The following AUTS2 variants were observed in gnomAD, a reference collection of about 807,000 sequenced individuals.
AUTS2 encodes the protein activator of transcription and developmental regulator AUTS2.
AUTS2 carries 17 observed loss-of-function variants against 112.4 expected under a neutral mutation model. The observed-to-expected ratio is 0.15, with a 90% CI of 0.10 to 0.23. The LOEUF (loss-of-function observed/expected upper bound fraction) is 0.23, where lower values mean the gene tolerates loss of function less well. Among genes scored for constraint, AUTS2 ranks in the 10% least tolerant of loss-of-function variants. The pLI is 1.00. For missense variants in AUTS2, 1,510 were observed against 1,701.6 expected, an observed-to-expected ratio of 0.89 and a Z score of 1.98; for synonymous variants, 751 against 702.7, an observed-to-expected ratio of 1.07 and a Z score of -1.09.
chr7:69,834,072 C>G (rs1307418717), intron 1 of AUTS2, among the ~76,000 whole-genome samples: 1 of 152,086 alleles, frequency 6.6e-6, no homozygotes, highest in Non-Finnish European at 1.5e-5. Flanking sequence ...AGCAGCAGGG[C>G]TCTGGTAAGT....
At chr7:69,982,040 G>A (rs775042244) in intron 2 of AUTS2, among the ~76,000 whole-genome samples, 6 of 152,150 alleles carry the variant, frequency 3.9e-5, no homozygotes, top group Admixed American at 6.5e-5. Context: ...ACAAGGACTC[G>A]TAGGCACCAA....
intron 2 of AUTS2, among the ~76,000 whole-genome samples, chr7:69,954,156 C>T (rs1161070412): frequency 2.0e-5 from 3 of 152,144 alleles, no homozygotes; most frequent in African/African-American, 7.2e-5. Context: ...ACTAATCAAT[C>T]ACTCCACATA....
intron 5 of AUTS2, among the ~76,000 whole-genome samples, chr7:70,507,099 A>G (rs1479014157): frequency 3.3e-5 from 5 of 152,242 alleles, no homozygotes; most frequent in Non-Finnish European, 7.3e-5. Flanking sequence ...TCAGAAGGCA[A>G]TATGGTAAGA....
chr7:70,176,983 T>C (rs1248061770), intron 4 of AUTS2, among the ~76,000 whole-genome samples: 1 of 152,194 alleles, frequency 6.6e-6, no homozygotes, highest in East Asian at 1.9e-4. Flanking sequence ...ATTAGCAAGT[T>C]ACAGAACAAG....
In AUTS2 at chr7:70,766,973, T is replaced by C. The variant is rs547517800; in HGVS notation, c.1689+639T>C. Among the ~76,000 whole-genome samples, 1 of 152,334 alleles carries C rather than the reference T, an allele frequency of 6.6e-6. No individual in the cohort carries two copies. The highest frequency in any genetic ancestry group is 2.1e-4 in the South Asian group (1 of 4,822). On this transcript the variant is annotated intron_variant, in intron 9 of 18. Transcript: ENST00000342771. The surrounding 1 kb of genome is among the most constrained non-coding windows in gnomAD (Gnocchi z 4.8). Reference sequence around the variant, plus strand: ...GGAACCACTGGCCATGACATGGTCTTGCTTTAACTGGGGGCTAGCACATGT... The same window carrying C: ...GGAACCACTGGCCATGACATGGTCTCGCTTTAACTGGGGGCTAGCACATGT...
intron 6 of AUTS2, among the ~76,000 whole-genome samples, chr7:70,724,442 A>ATTTTTTTTTTT (rs1563153741): frequency 2.0e-4 from 19 of 95,918 alleles, no homozygotes; most frequent in East Asian, 7.2e-4. Flanking sequence ...TTTCATCCTG[A>ATTTTTTTTTTT]CTTTTTTTTT....
intron 4 of AUTS2, among the ~76,000 whole-genome samples, chr7:70,233,823 G>A (rs990526071): frequency 6.6e-6 from 1 of 152,180 alleles, no homozygotes; most frequent in Non-Finnish European, 1.5e-5. Flanking sequence ...GATGCAGAAG[G>A]CTTGAAATAA....
chr7:70,425,827 A>C (rs538405988), intron 4 of AUTS2, among the ~76,000 whole-genome samples: 10 of 152,358 alleles, frequency 6.6e-5, no homozygotes, highest in African/African-American at 1.4e-4. Context: ...AAAGATATTC[A>C]GTCTTACTGA....
intron 4 of AUTS2, among the ~76,000 whole-genome samples, chr7:70,170,171 T>C (rs1284396428): frequency 6.6e-6 from 1 of 151,338 alleles, no homozygotes; most frequent in Non-Finnish European, 1.5e-5. Flanking sequence ...TTTTTTTTTT[T>C]TTTTTTGAGA....
In AUTS2 at chr7:70,694,220, C is replaced by G. The variant is rs1808927276; in HGVS notation, c.691-4349C>G. On this transcript the variant is annotated intron_variant, in intron 5 of 18. Transcript: ENST00000342771. The surrounding 1 kb of genome is among the most constrained non-coding windows in gnomAD (Gnocchi z 4.1). ...TGTGAACCGGCGGGAGAGGCAGGCGCCCGCAAGCCGAGCGCGGGCCGGAGC... is the reference window on the plus strand; with the variant it reads ...TGTGAACCGGCGGGAGAGGCAGGCGGCCGCAAGCCGAGCGCGGGCCGGAGC... 1 of 149,644 alleles carries G rather than the reference C, an allele frequency of 6.7e-6. No homozygotes were observed. The highest frequency in any genetic ancestry group is 6.6e-5 in the Admixed American group (1 of 15,102). 9.3% of individuals were successfully genotyped at this position (149,644 alleles called of 1,614,324 possible).
At chr7:70,143,246 A>T (rs546376261) in intron 4 of AUTS2, among the ~76,000 whole-genome samples, 1 of 152,190 alleles carries the variant, frequency 6.6e-6, no homozygotes. Context: ...GAGTTATTGG[A>T]GGCTTAGATA....
intron 2 of AUTS2, among the ~76,000 whole-genome samples, chr7:70,016,505 G>A (rs1045726542): frequency 2.6e-5 from 4 of 151,956 alleles, no homozygotes; most frequent in Admixed American, 6.6e-5. Context: ...TTTGGAGAGC[G>A]CACTACAGAA....
intron 5 of AUTS2, among the ~76,000 whole-genome samples, chr7:70,672,908 G>A (rs1296853775): frequency 2.0e-5 from 3 of 152,162 alleles, no homozygotes; most frequent in African/African-American, 7.2e-5. Context: ...GCCAGGACAC[G>A]TGATTTTAAA....
intron 5 of AUTS2, among the ~76,000 whole-genome samples, chr7:70,477,275 A>T (rs559820180): frequency 1.3e-5 from 2 of 152,322 alleles, no homozygotes; most frequent in Non-Finnish European, 2.9e-5. Flanking sequence ...GGTGTAGCTA[A>T]CATTAGCCCA....
At chr7:70,007,044 C>T (rs1799575744) in intron 2 of AUTS2, among the ~76,000 whole-genome samples, 2 of 152,078 alleles carry the variant, frequency 1.3e-5, no homozygotes, top group South Asian at 4.1e-4. Flanking sequence ...TTTCACAGGG[C>T]TGTTTATCCT....
intron 5 of AUTS2, among the ~76,000 whole-genome samples, chr7:70,668,344 G>T (rs902948821): frequency 1.2e-4 from 18 of 152,174 alleles, no homozygotes; most frequent in Non-Finnish European, 2.9e-5. Flanking sequence ...CCACATCTTT[G>T]AGTGGCAACG....
intron 4 of AUTS2, among the ~76,000 whole-genome samples, chr7:70,289,467 T>C (rs1443793321): frequency 2.6e-5 from 4 of 152,228 alleles, no homozygotes; most frequent in Non-Finnish European, 5.9e-5. Context: ...TCCTATGGGT[T>C]GCTGCTTCTA....
intron 4 of AUTS2, among the ~76,000 whole-genome samples, chr7:70,430,384 C>T (rs936500270): frequency 1.3e-5 from 2 of 152,214 alleles, no homozygotes; most frequent in Admixed American, 6.5e-5. Context: ...CATTTATCAT[C>T]TGTACATACT....
chr7:70,324,282 G>T (rs925395396), intron 4 of AUTS2, among the ~76,000 whole-genome samples: 1 of 152,154 alleles, frequency 6.6e-6, no homozygotes, highest in Non-Finnish European at 1.5e-5. Flanking sequence ...TATGAATGTT[G>T]TCAATCACTA....
Sources: allele counts gnomAD v4.1 joint callset (sites outside exome capture counted in the v4.1 genomes callset), GRCh38; gene constraint gnomAD v4.1.1; non-coding constraint Gnocchi (gnomAD v3.1); transcripts MANE v1.5; gene names NCBI Gene and HGNC (gene_info 2026-07-23, HGNC 2026-07-21).